Variants in PKHD1 observed in about 807,000 individuals in gnomAD.
The protein encoded by PKHD1 is fibrocystin.
A neutral mutation model predicts 412.0 loss-of-function variants in PKHD1; 291 were observed. The ratio of observed to expected loss-of-function variants is 0.71; its 90% confidence interval spans 0.64 to 0.78. The LOEUF (loss-of-function observed/expected upper bound fraction) is 0.78, where lower values mean the gene tolerates loss of function less well. Among genes scored for constraint, PKHD1 ranks in the 30% least tolerant of loss-of-function variants. The pLI, the probability that PKHD1 is intolerant of heterozygous loss-of-function variation, is 0.00. For synonymous variants in PKHD1, 1,777 were observed against 1,821.5 expected, an observed-to-expected ratio of 0.98 and a Z score of 0.62; for missense variants, 4,825 against 4,950.7, an observed-to-expected ratio of 0.97 and a Z score of 0.76.
At position 52,073,489 on chromosome 6, in the gene PKHD1, A is replaced by C; in HGVS notation, c.501T>G (p.Phe167Leu). 1 of 1,608,574 alleles carries C rather than the reference A, an allele frequency of 6.2e-7. No individual in the cohort carries two copies. The highest frequency in any genetic ancestry group is 8.5e-7 in the Non-Finnish European group (1 of 1,174,980). The stretch of plus-strand genomic sequence containing the variant: ...TATCAATGTACTCAGCATCAAAATC[A>C]AAAGTTTCCAATCTTCCAGTGATAA... ...GWIITGRLET[F>L]DFDAEYIDSP... Residue 167 changes from phenylalanine to leucine, a missense_variant, in exon 7 of 67, where the codon TTT becomes TTG. Transcript: ENST00000371117.
At chr6:51,853,305 G>A (rs1772659505) in intron 49 of PKHD1, among the ~76,000 whole-genome samples, 1 of 152,132 alleles carries the variant, frequency 6.6e-6, no homozygotes, top group Non-Finnish European at 1.5e-5. Flanking sequence ...TCCCTTTGTA[G>A]GTGACCTGGC....
intron 49 of PKHD1, among the ~76,000 whole-genome samples, chr6:51,849,215 C>T (rs1482414895): frequency 6.6e-6 from 1 of 152,202 alleles, no homozygotes; most frequent in East Asian, 1.9e-4. Flanking sequence ...ATCCATGTCC[C>T]TGAAAAGGAC....
At chr6:51,873,844 A>G (rs186845182) in intron 46 of PKHD1, among the ~76,000 whole-genome samples, 15 of 152,340 alleles carry the variant, frequency 9.8e-5, no homozygotes, top group Admixed American at 7.2e-4. Context: ...GCAACACAAG[A>G]CAAATCAAAA....
intron 60 of PKHD1, among the ~76,000 whole-genome samples, chr6:51,695,922 A>C (rs1778749768): frequency 6.6e-6 from 1 of 152,316 alleles, no homozygotes; most frequent in Non-Finnish European, 1.5e-5. Flanking sequence ...ACAAGCCCAA[A>C]GTGAAATTTT....
intron 49 of PKHD1, among the ~76,000 whole-genome samples, chr6:51,854,086 C>A (rs916517193): frequency 4.6e-5 from 7 of 151,880 alleles, no homozygotes; most frequent in African/African-American, 1.7e-4. Flanking sequence ...GGCTGTTGAC[C>A]CTTGGATAGG....
chr6:51,804,303 A>G (rs1312335999), intron 52 of PKHD1, among the ~76,000 whole-genome samples: 3 of 129,050 alleles, frequency 2.3e-5, no homozygotes, highest in Non-Finnish European at 3.1e-5. Context: ...CTGTGTCCCA[A>G]GTCCCTCTAG....
In PKHD1 at chr6:52,055,677, G is replaced by A. The variant is rs1807607661; in HGVS notation, c.1746C>T (p.Phe582=). ...GCTGACGGAGGCTGAACCTGCCACA[G>A]AAGGGCTCCGTCCCACTGGTGAGGT... ...DGDLTSGTEP[F]CGRFSLRQPR... is the part of the protein sequence containing the mutation. The change falls in exon 19 of 67, where the codon TTC becomes TTT. Residue 582 remains phenylalanine (F), a synonymous_variant. Transcript: ENST00000371117. 6.2e-7 allele frequency: 1 copy of A among 1,613,828 alleles called. No homozygotes were observed. The highest frequency in any genetic ancestry group is 1.1e-5 in the South Asian group (1 of 91,078).
In PKHD1 at chr6:51,758,040, G is replaced by C. The variant is rs78595300; in HGVS notation, c.8643-3102C>G. 5.1e-4 allele frequency among the ~76,000 whole-genome samples: 77 copies of C among 150,428 alleles called. 1 individual carries two copies. The highest frequency in any genetic ancestry group is 1.4e-3 in the African/African-American group (56 of 40,632). On this transcript the variant is annotated intron_variant, in intron 55 of 66. Coordinates refer to ENST00000371117, the MANE Select transcript of PKHD1 (RefSeq NM_138694.4). ...AGAGAGAGAGAGAGAGAGAGAGAGA[G>C]AGAGAGAGAGAGAAAACAAAGCAAA...
chr6:52,055,564 G>T, intron 19 of PKHD1, 23 bp downstream of exon 19: 1 of 1,613,728 alleles, frequency 6.2e-7, no homozygotes, highest in Non-Finnish European at 8.5e-7. Context: ...ACCTGACCCA[G>T]AAGCACAAAG....
intron 37 of PKHD1, among the ~76,000 whole-genome samples, chr6:51,927,799 C>T (rs1240528062): frequency 1.3e-5 from 2 of 152,130 alleles, no homozygotes; most frequent in Non-Finnish European, 2.9e-5. Context: ...TAAGTTTCCT[C>T]TGGATAGCTG....
intron 60 of PKHD1, among the ~76,000 whole-genome samples, chr6:51,698,479 G>A (rs1306673805): frequency 1.3e-5 from 2 of 152,048 alleles, no homozygotes; most frequent in East Asian, 3.9e-4. Context: ...ACAAGAAAGA[G>A]TTAAACGTCC....
In PKHD1 at chr6:51,906,339, C is replaced by G; in HGVS notation, c.6684G>C (p.Glu2228Asp). 6.2e-7 allele frequency: 1 copy of G among 1,610,976 alleles called. No individual in the cohort carries two copies. The highest frequency in any genetic ancestry group is 8.5e-7 in the Non-Finnish European group (1 of 1,177,478). ...SSLTLVGAMRESFIQGCTVRN... is the reference protein window; with the variant it reads ...SSLTLVGAMRDSFIQGCTVRN... ...TCACTGTGCAGCCCTGTATGAAAGA[C>G]TCTGAATAGGAAAGAGTAAAGTAAA... The change falls in exon 41 of 67, where the codon GAG (glutamate) becomes GAC (aspartate). Residue 2228 changes from glutamate (E) to aspartate (D), a missense_variant and splice_region_variant. Transcript: ENST00000371117.
intron 63 of PKHD1, among the ~76,000 whole-genome samples, chr6:51,645,448 A>G (rs542850105): frequency 6.6e-6 from 1 of 152,206 alleles, no homozygotes; most frequent in East Asian, 1.9e-4. Context: ...GCTAGAGTGC[A>G]GTGGCGCCAT....
chr6:51,655,931 G>C (rs757498004), intron 61 of PKHD1, among the ~76,000 whole-genome samples: 2 of 152,106 alleles, frequency 1.3e-5, no homozygotes, highest in Non-Finnish European at 2.9e-5. Context: ...AGAGTGTGGC[G>C]ATTCCTCAAG....
intron 35 of PKHD1, among the ~76,000 whole-genome samples, chr6:51,999,231 T>A (rs771764827): frequency 2.0e-5 from 3 of 152,188 alleles, no homozygotes; most frequent in Non-Finnish European, 2.9e-5. Context: ...ATTAAGGTCA[T>A]TTCTATCTCC....
chr6:51,903,832 CATATATATATAT>C (rs66966800), intron 42 of PKHD1, 105 bp from the exon 43 acceptor site: 11 of 435,400 alleles, frequency 2.5e-5, no homozygotes, highest in East Asian at 9.2e-5. Flanking sequence ...TAATGCATTT[CATATATATATAT>C]ATATATATAT....
At chr6:51,696,852 A>G (rs1364784313) in intron 60 of PKHD1, among the ~76,000 whole-genome samples, 1 of 152,126 alleles carries the variant, frequency 6.6e-6, no homozygotes, top group African/African-American at 2.4e-5. Flanking sequence ...ACTGTAAAAG[A>G]GAAGAGAGGA....
intron 43 of PKHD1, among the ~76,000 whole-genome samples, chr6:51,902,005 A>G (rs1781379305): frequency 6.6e-6 from 1 of 152,200 alleles, no homozygotes; most frequent in African/African-American, 2.4e-5. Flanking sequence ...CTGCACCTGC[A>G]GCCAGCTCAA....
At chr6:51,820,495 C>A (rs893842223) in intron 52 of PKHD1, among the ~76,000 whole-genome samples, 10 of 152,168 alleles carry the variant, frequency 6.6e-5, no homozygotes, top group Non-Finnish European at 1.0e-4. Flanking sequence ...GGTACTGTTA[C>A]TCAACCTTCT....
Sources: allele counts gnomAD v4.1 joint callset (sites outside exome capture counted in the v4.1 genomes callset), GRCh38; gene constraint gnomAD v4.1.1; transcripts MANE v1.5; gene names NCBI Gene and HGNC (gene_info 2026-07-23, HGNC 2026-07-21).